PIEZO2: variants seen among roughly 807,000 people sequenced by gnomAD.
PIEZO2 encodes piezo type mechanosensitive ion channel component 2.
PIEZO2 carries 172 observed loss-of-function variants against 337.3 expected under a neutral mutation model. The observed-to-expected ratio is 0.51, with a 90% CI of 0.45 to 0.58. The LOEUF (loss-of-function observed/expected upper bound fraction) is 0.58, where lower values mean the gene tolerates loss of function less well. Ranked by LOEUF, PIEZO2 falls within the 20% of genes least tolerant of loss-of-function variation. The pLI is 0.00. For synonymous variants in PIEZO2, 1,251 were observed against 1,228.5 expected (o/e 1.02, Z -0.38); for missense variants, 3,028 against 3,391.3 (o/e 0.89, Z 2.66).
intron 10 of PIEZO2, among the ~76,000 whole-genome samples, chr18:10,800,906 C>T (rs1319103205): frequency 6.6e-6 from 1 of 152,234 alleles, no homozygotes; most frequent in Admixed American, 6.5e-5. Context: ...CCTGCCTATG[C>T]CCTATGTGGC....
rs376005363 is a variant in PIEZO2, at chr18:10,909,479, G to T, written c.329+1707C>A. On this transcript the variant is annotated intron_variant, in intron 4 of 55. Transcript: ENST00000674853. ...GATCAGGAAATGTAAATATTGACTG[G>T]GTATTAAATAATGCTAAAGACTTAT... Among the ~76,000 whole-genome samples the T allele has an allele frequency of 3.6e-3, 544 of 151,342 alleles. 3 individuals carry two copies. The highest frequency in any genetic ancestry group is 0.021 in the South Asian group (101 of 4,724).
rs185147208 is a variant in PIEZO2, at chr18:11,094,369, G to A, written c.65-28147C>T. Among the ~76,000 whole-genome samples the A allele has an allele frequency of 1.4e-3, 210 of 152,190 alleles. No homozygotes were observed. The highest frequency in any genetic ancestry group is 4.8e-3 in the African/African-American group (201 of 41,516). On this transcript the variant is annotated intron_variant, in intron 1 of 55. Transcript: ENST00000674853. The surrounding 1 kb of genome is among the most constrained non-coding windows in gnomAD (Gnocchi z 4.4). Reference sequence around the variant, plus strand: ...ACACAGAGAAAAAGTAGTTTCAGTAGGACTCAAAACCAGGGCTTTGAGTCA... The same window carrying A: ...ACACAGAGAAAAAGTAGTTTCAGTAAGACTCAAAACCAGGGCTTTGAGTCA...
rs2035548255 is a variant in PIEZO2, at chr18:10,705,597, C to T, written c.5738G>A (p.Gly1913Glu). Reference sequence around the variant, plus strand: ...GCTGGCCTCCTCGGCACCCATGGCTCCCACATCGTACCCAGTGGCCTCGTA... The same window carrying T: ...GCTGGCCTCCTCGGCACCCATGGCTTCCACATCGTACCCAGTGGCCTCGTA... ...KEYEATGYDV[G>E]AMGAEEASLT... The change falls in exon 41 of 56, where the codon GGA becomes GAA. Residue 1913 changes from glycine (G) to glutamate (E), a missense_variant. Gly to Glu is a moderately conservative substitution (Grantham distance 98). Coordinates refer to ENST00000674853, the MANE Select transcript of PIEZO2 (RefSeq NM_001378183.1). 2 of 1,537,214 alleles carry T rather than the reference C, an allele frequency of 1.3e-6. No individual in the cohort carries two copies. The highest frequency in any genetic ancestry group is 1.7e-6 in the Non-Finnish European group (2 of 1,146,892).
chr18:10,937,791 C>T (rs186280712), intron 3 of PIEZO2, among the ~76,000 whole-genome samples: 18 of 152,322 alleles, frequency 1.2e-4, no homozygotes, highest in Admixed American at 1.0e-3. Flanking sequence ...TTCACAGCTT[C>T]TTCCCTGACA....
intron 2 of PIEZO2, among the ~76,000 whole-genome samples, chr18:11,029,250 A>G (rs540761271): frequency 5.9e-5 from 9 of 152,098 alleles, no homozygotes; most frequent in Non-Finnish European, 1.0e-4. Flanking sequence ...CTTGCTCCAG[A>G]CCCGGCTCCC....
intron 27 of PIEZO2, among the ~76,000 whole-genome samples, chr18:10,754,787 T>G (rs1198911321): frequency 6.6e-6 from 1 of 152,194 alleles, no homozygotes; most frequent in African/African-American, 2.4e-5. Flanking sequence ...CAGTTCATAT[T>G]GAGCCTCTTA....
At position 10,782,311 on chromosome 18, in the gene PIEZO2, A is replaced by ATAATATATTAGAATTATATATAAATAAT. The variant is rs1568050792; in HGVS notation, c.2493-1946_2493-1945insATTATTTATATATAATTCTAATATATTA. Among the ~76,000 whole-genome samples the ATAATATATTAGAATTATATATAAATAAT allele has an allele frequency of 3.8e-4, 29 of 76,142 alleles. 2 individuals carry two copies. The highest frequency in any genetic ancestry group is 1.4e-3 in the African/African-American group (29 of 20,184). The allele number at this position is 76,142 out of a possible 152,430, so 50.0% of individuals were successfully genotyped here. ...TAATTATAATTATATATAAATAATT[A>ATAATATATTAGAATTATATATAAATAAT]TATAATATATTATAATTATATATAA... On this transcript the variant is annotated intron_variant, in intron 17 of 55. Coordinates refer to ENST00000674853, the MANE Select transcript of PIEZO2 (RefSeq NM_001378183.1).
At position 11,143,619 on chromosome 18, in the gene PIEZO2, AC is replaced by A. The variant is rs2040718748; in HGVS notation, c.64+4905del. Among the ~76,000 whole-genome samples, 19 of 142,454 alleles carry A rather than the reference AC, an allele frequency of 1.3e-4. No individual in the cohort carries two copies. The highest frequency in any genetic ancestry group is 1.0e-4 in the Non-Finnish European group (7 of 66,744). The allele number at this position is 142,454 out of a possible 152,430, so 93.5% of individuals were successfully genotyped here. ...ATCTCTAACACACACACACACACAC[AC>A]ACACACACACACACACACACTCTCT... On this transcript the variant is annotated intron_variant, in intron 1 of 55. Coordinates refer to ENST00000674853, the MANE Select transcript of PIEZO2 (RefSeq NM_001378183.1). This position sits in a 1 kb window ranked among gnomAD's most constrained non-coding sequence, Gnocchi z 4.9.
Position 10,682,031 on chromosome 18 carries a change from C to G in PIEZO2, c.7686+73G>C, listed in dbSNP as rs747014192. Reference sequence around the variant, plus strand: ...GGGTCGGCAGCCCATGACTAAACACCCTACAGACAGCTATCATAAAGGAAT... The same window carrying G: ...GGGTCGGCAGCCCATGACTAAACACGCTACAGACAGCTATCATAAAGGAAT... On this transcript the variant is annotated intron_variant, in intron 50 of 55. Coordinates refer to ENST00000674853, the MANE Select transcript of PIEZO2 (RefSeq NM_001378183.1). This position sits in a 1 kb window ranked among gnomAD's most constrained non-coding sequence, Gnocchi z 5.6. 2.8e-5 allele frequency: 40 copies of G among 1,407,072 alleles called. No homozygotes were observed. Among genetic ancestry groups the G allele is most frequent in the Non-Finnish European group, 3.4e-5 (36 of 1,055,360 alleles). 87.2% of individuals were successfully genotyped at this position (1,407,072 alleles called of 1,614,324 possible). A position where few individuals can be genotyped will look rare whatever the true frequency, so the allele number is the denominator to read the frequency against.
Position 10,855,647 on chromosome 18 carries a change from T to TCACATA in PIEZO2, c.704-82_704-81insTATGTG. 2.7e-6 allele frequency: 3 copies of TCACATA among 1,128,044 alleles called. No individual in the cohort carries two copies. The highest frequency in any genetic ancestry group is 2.5e-6 in the Non-Finnish European group (2 of 808,636). The allele number at this position is 1,128,044 out of a possible 1,614,324, so 69.9% of individuals were successfully genotyped here. On this transcript the variant is annotated intron_variant, in intron 6 of 55. Coordinates refer to ENST00000674853, the MANE Select transcript of PIEZO2 (RefSeq NM_001378183.1). The surrounding 1 kb of genome is among the most constrained non-coding windows in gnomAD (Gnocchi z 4.9). ...TTCAGTGAATGTGACTATTTGAAAT[T>TCACATA]ATGTGAATTTCCTTCAAGTGTTTTT...
chr18:10,968,064 G>T (rs1039537565), intron 3 of PIEZO2, among the ~76,000 whole-genome samples: 3 of 152,144 alleles, frequency 2.0e-5, no homozygotes, highest in Non-Finnish European at 4.4e-5. Flanking sequence ...TTGTCTTCTA[G>T]AATTTTTATG....
chr18:10,924,494 C>T (rs947376422), intron 3 of PIEZO2, among the ~76,000 whole-genome samples: 7 of 152,078 alleles, frequency 4.6e-5, no homozygotes, highest in South Asian at 2.1e-4. Flanking sequence ...AATGCAATGT[C>T]GGGGATTCTG....
chr18:10,847,141 CT>C lies in PIEZO2; in HGVS notation c.917+8211del, dbSNP rs1484718869. Among the ~76,000 whole-genome samples, 3 of 152,142 alleles carry C rather than the reference CT, an allele frequency of 2.0e-5. No homozygotes were observed. Among genetic ancestry groups the C allele is most frequent in the African/African-American group, 7.2e-5 (3 of 41,442 alleles). The stretch of plus-strand genomic sequence containing the variant: ...GAGCCCGTGGACTCCAGGGAATGAG[CT>C]GTTGAGCATTAGCAGAATCCTCTTA... On this transcript the variant is annotated intron_variant, in intron 7 of 55. Coordinates refer to ENST00000674853, the MANE Select transcript of PIEZO2 (RefSeq NM_001378183.1). The surrounding 1 kb of genome is among the most constrained non-coding windows in gnomAD (Gnocchi z 5.7).
rs563372933 is a variant in PIEZO2 at position 10,699,047 on chromosome 18, G to A, written c.6572C>T (p.Ala2191Val). 22 of 1,537,166 alleles carry A rather than the reference G, an allele frequency of 1.4e-5. No individual in the cohort carries two copies. The highest frequency in any genetic ancestry group is 5.9e-5 in the South Asian group (5 of 84,064). The change falls in exon 44 of 56, where the codon GCG (alanine) becomes GTG (valine). Residue 2191 changes from alanine to valine, a missense_variant. Around this residue, in one of 5 missense-constraint regions of PIEZO2, gnomAD observed 1,925 missense variants for 2,051.9 expected, o/e 0.94. Coordinates refer to ENST00000674853, the MANE Select transcript of PIEZO2 (RefSeq NM_001378183.1). Reference sequence around the variant, plus strand: ...GGTCACATGCACTGACTCCACAGACGCGGCCAGGTTGATGGACTTGAGAGA... The same window carrying A: ...GGTCACATGCACTGACTCCACAGACACGGCCAGGTTGATGGACTTGAGAGA... ...SDSLKSINLAASVESVHVTFP... is the reference protein window; with the variant it reads ...SDSLKSINLAVSVESVHVTFP...
chr18:11,051,351 G>GTGTGTGTGTGTGTC (rs1324083072), intron 2 of PIEZO2, among the ~76,000 whole-genome samples: 2 of 150,692 alleles, frequency 1.3e-5, no homozygotes, highest in African/African-American at 4.9e-5. Context: ...TAGGATGTGT[G>GTGTGTGTGTGTGTC]TGTGTGTGTG....
intron 51 of PIEZO2, among the ~76,000 whole-genome samples, chr18:10,681,218 C>A (rs937639038): frequency 6.6e-6 from 1 of 152,158 alleles, no homozygotes; most frequent in African/African-American, 2.4e-5. Context: ...CAATCAAATT[C>A]ATGTAATACA....
At chr18:10,892,531 T>C (rs2042785451) in intron 4 of PIEZO2, among the ~76,000 whole-genome samples, 1 of 152,178 alleles carries the variant, frequency 6.6e-6, no homozygotes, top group Non-Finnish European at 1.5e-5. Flanking sequence ...ATAATGAAGA[T>C]AACACACATC....
chr18:10,886,321 TAC>T (rs1156291975), intron 4 of PIEZO2, among the ~76,000 whole-genome samples: 5 of 31,596 alleles, frequency 1.6e-4, no homozygotes, highest in African/African-American at 1.0e-3. Context: ...ACCCTATACA[TAC>T]ATATATATAT....
Position 10,688,966 on chromosome 18 carries a change from G to A in PIEZO2, c.7497+689C>T, listed in dbSNP as rs557113813. Among the ~76,000 whole-genome samples, 12 of 152,198 alleles carry A rather than the reference G, an allele frequency of 7.9e-5. No individual in the cohort carries two copies. In the East Asian group the frequency reaches 1.5e-3, roughly 20 times the overall value. ...ATAAACAGAGAGCACAGTACAACAG[G>A]CCCCATGACTGTAACGCTGAAATTC... is the stretch of plus-strand genomic sequence containing the variant. On this transcript the variant is annotated intron_variant, in intron 49 of 55. Transcript: ENST00000674853.
Sources: gnomAD v4.1 joint callset for allele counts (sites outside exome capture counted in the v4.1 genomes callset) on GRCh38, gnomAD v4.1.1 for gene constraint, gnomAD v4.1.1 regional missense constraint, Gnocchi (gnomAD v3.1) non-coding constraint, MANE v1.5 for transcripts, NCBI Gene and HGNC (gene_info 2026-07-23, HGNC 2026-07-21) for gene names.